Variants in DPP10 observed in about 807,000 individuals in gnomAD.
DPP10 encodes the protein dipeptidyl peptidase like 10, also known as inactive dipeptidyl peptidase 10.
Under a neutral mutation model 120.9 loss-of-function variants are expected in DPP10, and 33 were observed. That is an observed-to-expected ratio of 0.27 (90% CI 0.21 to 0.37). The LOEUF is 0.37. Ranked by LOEUF, DPP10 falls within the 10% of genes least tolerant of loss-of-function variation. The pLI, the probability that DPP10 is intolerant of heterozygous loss-of-function variation, is 1.00. For synonymous variants in DPP10, 337 were observed against 326.1 expected, an observed-to-expected ratio of 1.03 and a Z score of -0.36; for missense variants, 816 against 942.8, an observed-to-expected ratio of 0.87 and a Z score of 1.76.
chr2:115,823,911 T>C (rs1488561952), intron 21 of DPP10, among the ~76,000 whole-genome samples: 1 of 152,210 alleles, frequency 6.6e-6, no homozygotes, highest in African/African-American at 2.4e-5. Context: ...GAAAAGATGA[T>C]TGGCAGCTCT....
chr2:115,221,773 T>G (rs1275244649), intron 1 of DPP10, among the ~76,000 whole-genome samples: 1 of 108,002 alleles, frequency 9.3e-6, no homozygotes, highest in Non-Finnish European at 2.1e-5. Flanking sequence ...TTTTTTTTTT[T>G]TTTTTTCTAT....
intron 5 of DPP10, among the ~76,000 whole-genome samples, chr2:115,655,524 T>C (rs949761698): frequency 2.0e-5 from 3 of 151,688 alleles, no homozygotes; most frequent in Non-Finnish European, 4.4e-5. Context: ...TGTATTTATT[T>C]ACATCTAATC....
rs113497182 is a variant in DPP10, at chr2:115,087,806, G to A, written c.61-221433G>A. ...TGACCTCAGGTCATCTGCCCACCTC[G>A]GCCTCCCAAAGTGCTGGGATTACAG... is the stretch of plus-strand genomic sequence containing the variant. On this transcript the variant is annotated intron_variant, in intron 1 of 25. Transcript: ENST00000410059. Among the ~76,000 whole-genome samples the A allele has an allele frequency of 6.0e-3, 911 of 151,882 alleles. 8 individuals are homozygous for A. The highest frequency in any genetic ancestry group is 0.021 in the African/African-American group (865 of 41,410).
At chr2:115,183,143 T>C (rs2054192706) in intron 1 of DPP10, among the ~76,000 whole-genome samples, 2 of 152,224 alleles carry the variant, frequency 1.3e-5, no homozygotes, top group African/African-American at 4.8e-5. Flanking sequence ...TGTGGCCAGA[T>C]TTTATTCAAA....
chr2:114,705,161 T>C (rs1314613851), intron 1 of DPP10, among the ~76,000 whole-genome samples: 1 of 152,060 alleles, frequency 6.6e-6, no homozygotes, highest in Non-Finnish European at 1.5e-5. Context: ...TGGAAGAAAA[T>C]TGAAAGCCAC....
At chr2:115,537,344 C>T (rs2078911305) in intron 5 of DPP10, among the ~76,000 whole-genome samples, 1 of 151,774 alleles carries the variant, frequency 6.6e-6, no homozygotes, top group Non-Finnish European at 1.5e-5. Flanking sequence ...GCAAAGAATC[C>T]CCTTGCACAT....
chr2:114,609,293 G>A (rs1479645121), intron 1 of DPP10, among the ~76,000 whole-genome samples: 1 of 152,162 alleles, frequency 6.6e-6, no homozygotes, highest in Non-Finnish European at 1.5e-5. Flanking sequence ...CTTTCTCCCA[G>A]GGGTGGAAAA....
chr2:114,956,405 T>C (rs1698202088), intron 1 of DPP10, among the ~76,000 whole-genome samples: 1 of 150,702 alleles, frequency 6.6e-6, no homozygotes, highest in African/African-American at 2.4e-5. Context: ...GTGAAAAATA[T>C]GTGTATTGAA....
At chr2:115,685,483 C>A (rs1054721105) in intron 5 of DPP10, among the ~76,000 whole-genome samples, 10 of 151,894 alleles carry the variant, frequency 6.6e-5, no homozygotes, top group Admixed American at 2.6e-4. Context: ...AACATAAGCT[C>A]CGTGGGGACA....
At chr2:115,243,492 A>G (rs1453058521) in intron 1 of DPP10, among the ~76,000 whole-genome samples, 3 of 152,134 alleles carry the variant, frequency 2.0e-5, no homozygotes, top group Non-Finnish European at 4.4e-5. Context: ...TCACATTTTC[A>G]TTTAATTTTA....
At chr2:115,525,757 A>G in intron 4 of DPP10, 141 bp from the exon 5 acceptor site, 1 of 606,010 alleles carries the variant, frequency 1.7e-6, no homozygotes, top group East Asian at 2.9e-5. Context: ...ATACATACAT[A>G]CATGCAAATA....
chr2:115,608,728 A>G (rs1049085261), intron 5 of DPP10, among the ~76,000 whole-genome samples: 2 of 152,186 alleles, frequency 1.3e-5, no homozygotes, highest in Non-Finnish European at 2.9e-5. Flanking sequence ...GAAAGGAACA[A>G]TAGTAAGAAA....
chr2:115,742,764 A>G (rs1200667847), intron 9 of DPP10, among the ~76,000 whole-genome samples: 3 of 152,124 alleles, frequency 2.0e-5, no homozygotes, highest in Non-Finnish European at 4.4e-5. Flanking sequence ...AAAAAGTGCC[A>G]CTTTGGAAAC....
rs557279713 is a variant in DPP10, at chr2:115,624,474, A to G, written c.442-65213A>G. Among the ~76,000 whole-genome samples the G allele has an allele frequency of 2.8e-4, 42 of 152,342 alleles. 1 individual carries two copies. In the South Asian group the frequency reaches 6.4e-3, roughly 23 times the overall value. ...ATGAGATAAATTAGAAGTGCAGAGA[A>G]TGAGCAACCTATGAGATCATCTGTC... is the stretch of plus-strand genomic sequence containing the variant. On this transcript the variant is annotated intron_variant, in intron 5 of 25. Coordinates refer to ENST00000410059, the MANE Select transcript of DPP10 (RefSeq NM_020868.6).
In DPP10 at chr2:115,753,305, T is replaced by C. The variant is rs780874006; in HGVS notation, c.1074+8T>C. Reference sequence around the variant, plus strand: ...ACAGGTGCTTGTAGTAAAGTGAGTATAATTTATTTTTCTTTTATGCCTAAA... The same window carrying C: ...ACAGGTGCTTGTAGTAAAGTGAGTACAATTTATTTTTCTTTTATGCCTAAA... On this transcript the variant is annotated splice_region_variant and intron_variant, in intron 11 of 25. Transcript: ENST00000410059. 9 of 1,590,844 alleles carry C rather than the reference T, an allele frequency of 5.7e-6. No homozygotes were observed. The highest frequency in any genetic ancestry group is 4.0e-5 in the African/African-American group (3 of 74,560).
intron 1 of DPP10, among the ~76,000 whole-genome samples, chr2:114,762,310 T>C (rs1294868047): frequency 1.3e-5 from 2 of 152,336 alleles, no homozygotes; most frequent in East Asian, 3.9e-4. Flanking sequence ...TGCTATGCAG[T>C]CCTATCTAAC....
chr2:115,679,289 G>A (rs535770494), intron 5 of DPP10, among the ~76,000 whole-genome samples: 129 of 152,210 alleles, frequency 8.5e-4, no homozygotes, highest in Middle Eastern at 3.4e-3. Context: ...ACATGTCATA[G>A]GAGGGACCTG....
chr2:114,825,368 T>C (rs1340343115), intron 1 of DPP10, among the ~76,000 whole-genome samples: 5 of 152,208 alleles, frequency 3.3e-5, no homozygotes, highest in African/African-American at 4.8e-5. Context: ...TTGAGAGGAA[T>C]TGTATGCCTG....
intron 1 of DPP10, among the ~76,000 whole-genome samples, chr2:114,757,212 CAG>C (rs1276995657): frequency 8.7e-6 from 1 of 115,332 alleles, no homozygotes; most frequent in Non-Finnish European, 1.7e-5. Context: ...GAAAAATGGG[CAG>C]GAGGAAGGGT....
Sources: allele counts gnomAD v4.1 joint callset (sites outside exome capture counted in the v4.1 genomes callset), GRCh38; gene constraint gnomAD v4.1.1; transcripts MANE v1.5; gene names NCBI Gene and HGNC (gene_info 2026-07-23, HGNC 2026-07-21).